The following SPATA13 variants were observed in gnomAD, a reference collection of about 807,000 sequenced individuals.
SPATA13 encodes the protein spermatogenesis associated 13.
SPATA13 carries 50 observed loss-of-function variants against 104.0 expected under a neutral mutation model. That is an observed-to-expected ratio of 0.48 (90% CI 0.38 to 0.61). SPATA13 has a LOEUF of 0.61. Ranked by LOEUF, SPATA13 falls within the 20% of genes least tolerant of loss-of-function variation. The pLI, the probability that SPATA13 is intolerant of heterozygous loss-of-function variation, is 0.00. For missense variants in SPATA13, 1,524 were observed against 1,690.6 expected (o/e 0.90, Z 1.73); for synonymous variants, 606 against 667.5 (o/e 0.91, Z 1.42).
intron 2 of SPATA13, among the ~76,000 whole-genome samples, chr13:23,993,959 ATGGTGG>A (rs1486146995): frequency 1.4e-5 from 2 of 146,080 alleles, no homozygotes; most frequent in African/African-American, 5.1e-5. Context: ...GTGGTGGGTG[ATGGTGG>A]TGGTGTTTTT....
At chr13:24,141,160 T>G in intron 3 of SPATA13, among the ~76,000 whole-genome samples, 1 of 136,800 alleles carries the variant, frequency 7.3e-6, no homozygotes, top group Non-Finnish European at 1.5e-5. Flanking sequence ...GGTGGCAGAG[T>G]GAGACTCTGG....
At chr13:24,152,208 C>A (rs1017830425) in intron 3 of SPATA13, among the ~76,000 whole-genome samples, 9 of 152,368 alleles carry the variant, frequency 5.9e-5, no homozygotes, top group Non-Finnish European at 1.2e-4. Flanking sequence ...GGTGAAGACC[C>A]TTTTGCATGG....
At chr13:23,980,532 A>C (rs1874835796) in intron 1 of SPATA13, among the ~76,000 whole-genome samples, 1 of 152,168 alleles carries the variant, frequency 6.6e-6, no homozygotes, top group Admixed American at 6.5e-5. Flanking sequence ...TTTTGAAAAT[A>C]TTTGGATTGT....
At chr13:24,075,377 A>G (rs1879292357) in intron 3 of SPATA13, among the ~76,000 whole-genome samples, 1 of 152,218 alleles carries the variant, frequency 6.6e-6, no homozygotes, top group South Asian at 2.1e-4. Context: ...GGCTGAAATA[A>G]TGAATAAGCC....
intron 7 of SPATA13, among the ~76,000 whole-genome samples, 180 bp from the exon 8 acceptor site, chr13:24,288,814 CTTTTT>C (rs1876134996): frequency 6.6e-6 from 1 of 152,158 alleles, no homozygotes; most frequent in Non-Finnish European, 1.5e-5. Context: ...TTTTTGCTTT[CTTTTT>C]ATTTTAAAAC....
At chr13:23,999,846 T>C (rs1875874264) in intron 2 of SPATA13, among the ~76,000 whole-genome samples, 1 of 152,218 alleles carries the variant, frequency 6.6e-6, no homozygotes, top group Admixed American at 6.5e-5. Flanking sequence ...TATAGCAGAC[T>C]TCCCCTATTT....
chr13:23,983,855 C>A (rs552879966), exon 2 of SPATA13: 3 of 983,448 alleles, frequency 3.1e-6, no homozygotes, highest in Admixed American at 6.1e-5. Context: ...CTGTGCAGCA[C>A]CACAGGCCTG....
chr13:24,290,911 G>A (rs1185115818), intron 9 of SPATA13, 27 bp downstream of exon 9: 1 of 1,578,908 alleles, frequency 6.3e-7, no homozygotes, highest in South Asian at 1.1e-5. Flanking sequence ...AGGGGCACAG[G>A]TGAGAGCACT....
intron 2 of SPATA13, among the ~76,000 whole-genome samples, chr13:24,238,229 T>C (rs1448379669): frequency 6.8e-6 from 1 of 147,478 alleles, no homozygotes; most frequent in Non-Finnish European, 1.5e-5. Flanking sequence ...TAATCTCGGC[T>C]CACTGCAGTC....
At chr13:24,022,032 TTTC>T (rs1876999360) in intron 3 of SPATA13, among the ~76,000 whole-genome samples, 1 of 150,004 alleles carries the variant, frequency 6.7e-6, no homozygotes, top group Admixed American at 6.7e-5. Context: ...AATCTTAATG[TTTC>T]TTTTCTCTTT....
chr13:24,086,151 C>T (rs765038531), intron 3 of SPATA13, among the ~76,000 whole-genome samples: 7 of 152,136 alleles, frequency 4.6e-5, no homozygotes, highest in Non-Finnish European at 7.3e-5. Flanking sequence ...CTTATGAAGG[C>T]AAGACATAGC....
At chr13:23,999,946 C>T (rs996135980) in intron 2 of SPATA13, among the ~76,000 whole-genome samples, 8 of 152,176 alleles carry the variant, frequency 5.3e-5, no homozygotes, top group African/African-American at 1.9e-4. Context: ...TGATGGTTAA[C>T]TTGCCAGGCC....
In SPATA13 at chr13:24,267,943, A is replaced by T. The variant is rs991122651; in HGVS notation, c.2164+16081A>T. Among the ~76,000 whole-genome samples, 4 of 152,228 alleles carry T rather than the reference A, an allele frequency of 2.6e-5. No individual in the cohort carries two copies. The South Asian group carries it at 6.2e-4, about 24-fold the overall frequency. Reference sequence around the variant, plus strand: ...TTTGAATAACCTGGGATGTTGTTAAAATGTTGATTCTGATTCTGCAGACCT... The same window carrying T: ...TTTGAATAACCTGGGATGTTGTTAATATGTTGATTCTGATTCTGCAGACCT... On this transcript the variant is annotated intron_variant, in intron 4 of 12. Transcript: ENST00000382108.
intron 2 of SPATA13, among the ~76,000 whole-genome samples, chr13:24,013,689 A>G (rs1346110961): frequency 6.8e-6 from 1 of 147,052 alleles, no homozygotes; most frequent in East Asian, 2.0e-4. Context: ...TGTCCCTTAC[A>G]GTCTTTTTTT....
chr13:24,260,460 C>T (rs1005930426), intron 4 of SPATA13, among the ~76,000 whole-genome samples: 22 of 152,146 alleles, frequency 1.4e-4, no homozygotes, highest in African/African-American at 3.1e-4. Flanking sequence ...GTATCCTCAC[C>T]GGGAGTCAAG....
intron 4 of SPATA13, among the ~76,000 whole-genome samples, chr13:24,258,269 G>A (rs1483607484): frequency 6.8e-6 from 1 of 147,586 alleles, no homozygotes; most frequent in Non-Finnish European, 1.5e-5. Context: ...TCTGGATTCT[G>A]CCTGTCAATA....
chr13:24,027,085 T>C (rs1454421500), intron 3 of SPATA13, among the ~76,000 whole-genome samples: 3 of 151,856 alleles, frequency 2.0e-5, no homozygotes, highest in Admixed American at 2.0e-4. Context: ...TTTTCTCTCT[T>C]ATATCCCTGT....
At chr13:24,083,425 G>C (rs1183858146) in intron 3 of SPATA13, among the ~76,000 whole-genome samples, 2 of 152,194 alleles carry the variant, frequency 1.3e-5, no homozygotes, top group Non-Finnish European at 2.9e-5. Context: ...AGGAGGGCAG[G>C]CCTGACCTTG....
In SPATA13 at chr13:24,030,697, A is replaced by G. The variant is rs182365931; in HGVS notation, c.-112+12996A>G. On this transcript the variant is annotated intron_variant, in intron 3 of 14. Transcript: ENST00000424834. ...TTCCTGATTTCAGGGGAATTCTTTT[A>G]TCTTGCTACTACAACCATACATGTT... Among the ~76,000 whole-genome samples, 10 of 152,282 alleles carry G rather than the reference A, an allele frequency of 6.6e-5. No homozygotes were observed. The East Asian group carries it at 1.9e-3, about 29-fold the overall frequency.
Sources: allele counts gnomAD v4.1 joint callset (sites outside exome capture counted in the v4.1 genomes callset), GRCh38; gene constraint gnomAD v4.1.1; transcripts MANE v1.5; gene names NCBI Gene and HGNC (gene_info 2026-07-23, HGNC 2026-07-21).